The following PLA2G7 variants were observed in gnomAD, a reference collection of about 807,000 sequenced individuals.
PLA2G7 encodes the protein platelet-activating factor acetylhydrolase.
In PLA2G7, 63 loss-of-function variants were observed where a neutral mutation model predicts 49.6. The ratio of observed to expected loss-of-function variants is 1.27; its 90% CI spans 1.04 to 1.57. The LOEUF (loss-of-function observed/expected upper bound fraction) is 1.57, where lower values mean the gene tolerates loss of function less well. PLA2G7 is among the 40% of genes most tolerant of loss of function. The pLI is 0.00. For synonymous variants in PLA2G7, 193 were observed against 169.9 expected (o/e 1.14, Z -1.06); for missense variants, 596 against 521.2 (o/e 1.14, Z -1.40).
At chr6:46,732,324 C>T (rs1163372853) in intron 1 of PLA2G7, among the ~76,000 whole-genome samples, 2 of 151,636 alleles carry the variant, frequency 1.3e-5, no homozygotes, top group African/African-American at 2.4e-5. Flanking sequence ...TCCTCACAAT[C>T]CAATCCAAGA....
At position 46,704,633 on chromosome 6, in the gene PLA2G7, G is replaced by A. The variant is rs1284099180; in HGVS notation, c.1253C>T (p.Pro418Leu). The A allele has an allele frequency of 2.5e-6, 4 of 1,581,050 alleles. No individual in the cohort carries two copies. In the African/African-American group the frequency reaches 4.0e-5, roughly 16 times the overall value. Residue 418 changes from proline (P) to leucine (L), a missense_variant, in exon 12 of 12, where the codon CCA becomes CTA. Transcript: ENST00000274793. The part of the protein sequence containing the change: ...LIEGDDENLI[P>L]GTNINTTNQH... ...ATTGGTTGTGTTAATGTTGGTCCCT[G>A]GAATAAGATTCTCATCATCTCCTTC... is the stretch of plus-strand genomic sequence containing the variant.
chr6:46,717,709 C>T (rs374092363), intron 2 of PLA2G7, among the ~76,000 whole-genome samples: 13 of 116,214 alleles, frequency 1.1e-4, no homozygotes, highest in African/African-American at 4.2e-4. Context: ...TTTCTTTTTT[C>T]TTTTTCTTTT....
rs373698742 is a variant in PLA2G7, at chr6:46,724,309, T to C, written c.-34-1384A>G. 2.6e-5 allele frequency among the ~76,000 whole-genome samples: 4 copies of C among 152,326 alleles called. No individual in the cohort carries two copies. The East Asian group carries it at 5.8e-4, about 22-fold the overall frequency. ...GTGAGTGTAAGGATTTTTGATGGTT[T>C]TTCCCCCTGCTGTATTCCCAAGACC... On this transcript the variant is annotated intron_variant, in intron 1 of 11. Transcript: ENST00000274793.
intron 1 of PLA2G7, among the ~76,000 whole-genome samples, chr6:46,724,323 A>G (rs1453769766): frequency 2.0e-5 from 3 of 152,174 alleles, no homozygotes; most frequent in Non-Finnish European, 2.9e-5. Context: ...CCCCTGCTGT[A>G]TTCCCAAGAC....
At chr6:46,717,237 A>G in intron 2 of PLA2G7, 141 bp from the exon 3 acceptor site, 1 of 768,626 alleles carries the variant, frequency 1.3e-6, no homozygotes, top group Non-Finnish European at 2.3e-6. Context: ...AAGATATGCA[A>G]TTATTGAGGG....
At chr6:46,729,174 A>G (rs972741502) in intron 1 of PLA2G7, among the ~76,000 whole-genome samples, 1 of 152,228 alleles carries the variant, frequency 6.6e-6, no homozygotes, top group African/African-American at 2.4e-5. Flanking sequence ...CAACAGGCAC[A>G]GATGCTCTCC....
chr6:46,722,191 A>G (rs1240724699), intron 2 of PLA2G7, among the ~76,000 whole-genome samples: 7 of 152,134 alleles, frequency 4.6e-5, no homozygotes, highest in African/African-American at 1.7e-4. Flanking sequence ...CACTTACCAC[A>G]AGGCAAGAAA....
chr6:46,707,659 G>C (rs1274298180), intron 10 of PLA2G7, among the ~76,000 whole-genome samples: 1 of 152,162 alleles, frequency 6.6e-6, no homozygotes, highest in Admixed American at 6.6e-5. Flanking sequence ...CAGAAGCCGA[G>C]CAGATGCCAG....
intron 2 of PLA2G7, among the ~76,000 whole-genome samples, chr6:46,718,865 A>G (rs770158694): frequency 1.4e-4 from 21 of 152,244 alleles, no homozygotes; most frequent in Non-Finnish European, 2.6e-4. Context: ...CTCTTAACAC[A>G]GTGTCTGGCA....
intron 1 of PLA2G7, among the ~76,000 whole-genome samples, chr6:46,731,454 C>A (rs1325371914): frequency 6.6e-6 from 1 of 152,126 alleles, no homozygotes; most frequent in East Asian, 1.9e-4. Context: ...TTTCCCATTC[C>A]CAGCTTTAAT....
rs199831569 is a variant in PLA2G7, at chr6:46,704,470, T to A, written c.*90A>T. 2.1e-4 allele frequency: 58 copies of A among 279,976 alleles called. No homozygotes were observed. Among genetic ancestry groups the A allele is most frequent in the African/African-American group, 1.4e-3 (44 of 30,460 alleles). 17.3% of individuals were successfully genotyped at this position (279,976 alleles called of 1,614,324 possible). A position where few individuals can be genotyped will look rare whatever the true frequency, so the allele number is the denominator to read the frequency against. On this transcript the variant is annotated 3_prime_UTR_variant, in exon 12 of 12. Coordinates refer to ENST00000274793, the MANE Select transcript of PLA2G7 (RefSeq NM_005084.4). ...CTCTCTCTCTCTCTCTCTCTCTCTC[T>A]CTCTCTCTCACACACACACACACAC...
At chr6:46,717,763 G>A (rs1765267691) in intron 2 of PLA2G7, among the ~76,000 whole-genome samples, 1 of 144,002 alleles carries the variant, frequency 6.9e-6, no homozygotes, top group South Asian at 2.2e-4. Context: ...CCAGGCTGGA[G>A]TGCAGTGGTG....
intron 1 of PLA2G7, among the ~76,000 whole-genome samples, chr6:46,731,402 T>C (rs534588618): frequency 6.6e-6 from 1 of 152,220 alleles, no homozygotes; most frequent in Non-Finnish European, 1.5e-5. Flanking sequence ...GATATCTGCA[T>C]GACCACAGCC....
At chr6:46,709,212 T>C (rs1006203133) in intron 9 of PLA2G7, 115 bp downstream of exon 9, 1 of 701,610 alleles carries the variant, frequency 1.4e-6, no homozygotes, top group Non-Finnish European at 2.5e-6. Flanking sequence ...AGAATAGCCT[T>C]ATAAACTCCA....
In PLA2G7 at chr6:46,714,539, G is replaced by A. The variant is rs751238303; in HGVS notation, c.391C>T (p.Pro131Ser). Residue 131 changes from proline to serine, a missense_variant, in exon 5 of 12, where the codon CCT becomes TCT. Pro to Ser is a moderately conservative substitution (Grantham distance 74). Transcript: ENST00000274793. ...CTCAGAGGGGAATTCCAGTTTGCAG[G>A]AGTTGTCATTGAACCTAGACAACAA... ...LRLLFGSMTT[P>S]ANWNSPLRPG... 6 of 1,606,272 alleles carry A rather than the reference G, an allele frequency of 3.7e-6. No homozygotes were observed. The highest frequency in any genetic ancestry group is 5.1e-6 in the Non-Finnish European group (6 of 1,173,282).
chr6:46,717,502 G>T (rs1765250666), intron 2 of PLA2G7, among the ~76,000 whole-genome samples: 1 of 151,958 alleles, frequency 6.6e-6, no homozygotes, highest in Non-Finnish European at 1.5e-5. Flanking sequence ...CTTCCCATAA[G>T]AATGTCAAAA....
At chr6:46,717,204 C>CT in intron 2 of PLA2G7, 108 bp from the exon 3 acceptor site, 1 of 1,001,180 alleles carries the variant, frequency 1.0e-6, no homozygotes, top group Non-Finnish European at 1.6e-6. Flanking sequence ...TTCTGGCCTT[C>CT]TTTCTTTCTC....
intron 1 of PLA2G7, among the ~76,000 whole-genome samples, chr6:46,724,896 C>A (rs1475322005): frequency 1.3e-5 from 2 of 152,206 alleles, no homozygotes; most frequent in East Asian, 1.9e-4. Context: ...GATCTGCAGT[C>A]ATTCAATCAA....
intron 4 of PLA2G7, among the ~76,000 whole-genome samples, 183 bp from the exon 5 acceptor site, chr6:46,714,736 GTTT>G (rs34589690): frequency 3.1e-5 from 4 of 128,742 alleles, no homozygotes; most frequent in Admixed American, 1.6e-4. Flanking sequence ...TGAACTGTAA[GTTT>G]TTTTTTTTTT....
Sources: allele counts gnomAD v4.1 joint callset (sites outside exome capture counted in the v4.1 genomes callset), GRCh38; gene constraint gnomAD v4.1.1; transcripts MANE v1.5; gene names NCBI Gene and HGNC (gene_info 2026-07-23, HGNC 2026-07-21).